The following KIR3DL2 variants were observed in gnomAD, a reference collection of about 807,000 sequenced individuals.
KIR3DL2 encodes killer cell immunoglobulin-like receptor 3DL2.
KIR3DL2 carries 42 observed loss-of-function variants against 41.6 expected under a neutral mutation model. That is an observed-to-expected ratio of 1.01 (90% CI 0.79 to 1.31). The LOEUF (loss-of-function observed/expected upper bound fraction) is 1.31, where lower values mean the gene tolerates loss of function less well. Ranked by LOEUF, KIR3DL2 falls within the 50% of genes most tolerant of loss-of-function variation. The probability of loss-of-function intolerance (pLI) is 0.00; values close to 1 mark genes in which losing one functional copy is unlikely to be tolerated. For missense variants in KIR3DL2, 728 were observed against 576.8 expected, an observed-to-expected ratio of 1.26 and a Z score of -2.68; for synonymous variants, 230 against 221.3, an observed-to-expected ratio of 1.04 and a Z score of -0.35.
chr19:54,852,085 G>C lies in KIR3DL2; in HGVS notation c.158G>C (p.Arg53Pro), dbSNP rs763089445. 1.2e-6 allele frequency: 2 copies of C among 1,611,384 alleles called. No homozygotes were observed. The highest frequency in any genetic ancestry group is 1.7e-5 in the Admixed American group (1 of 59,916). Residue 53 changes from arginine (R) to proline (P), a missense_variant, in exon 3 of 9, where the codon CGT becomes CCT. Arg to Pro is a moderately radical substitution (Grantham distance 103). Transcript: ENST00000326321. ...GHVALQCHYR[R>P]GFNNFMLYKE... ...GTGGCTCTTCAGTGTCACTATCGTC[G>C]TGGGTTTAACAATTTCATGCTGTAC...
At chr19:54,857,453 C>T (rs1348220772) in intron 5 of KIR3DL2, among the ~76,000 whole-genome samples, 5 of 151,452 alleles carry the variant, frequency 3.3e-5, no homozygotes, top group South Asian at 2.1e-4. Flanking sequence ...AATTTACATT[C>T]CTACCAACAG....
intron 7 of KIR3DL2, among the ~76,000 whole-genome samples, chr19:54,866,146 T>C (rs1019572724): frequency 2.0e-5 from 3 of 151,930 alleles, no homozygotes; most frequent in Non-Finnish European, 2.9e-5. Context: ...TCCAGAAGCT[T>C]CCATGACAGG....
chr19:54,862,802 C>CTTTTTTTTTTTTTTTTTTTT (rs1210198153), intron 6 of KIR3DL2, among the ~76,000 whole-genome samples: 3 of 79,764 alleles, frequency 3.8e-5, no homozygotes, highest in Non-Finnish European at 7.0e-5. Context: ...TGGGTTACTT[C>CTTTTTTTTTTTTTTTTTTTT]TTTTTTTTTT....
At chr19:54,866,263 A>G (rs2065506078) in intron 7 of KIR3DL2, 107 bp from the exon 8 acceptor site, 2 of 1,103,304 alleles carry the variant, frequency 1.8e-6, no homozygotes, top group Non-Finnish European at 2.7e-6. Context: ...TTGGCAGCTG[A>G]AGAGCCTCAG....
At chr19:54,865,751 C>G (rs1160168227) in intron 6 of KIR3DL2, 54 bp from the exon 7 acceptor site, 1 of 1,437,536 alleles carries the variant, frequency 7.0e-7, no homozygotes, top group East Asian at 2.3e-5. Context: ...TGAGACAATC[C>G]ATAAAGAGGA....
chr19:54,853,569 G>A (rs1601743508), intron 3 of KIR3DL2, among the ~76,000 whole-genome samples, 178 bp from the exon 4 acceptor site: 1 of 151,794 alleles, frequency 6.6e-6, no homozygotes, highest in East Asian at 1.9e-4. Context: ...GGACAGAGAA[G>A]AGGGAGGAAG....
intron 1 of KIR3DL2, 109 bp from the exon 2 acceptor site, chr19:54,851,111 A>G (rs1191618844): frequency 7.4e-5 from 103 of 1,390,800 alleles, no homozygotes; most frequent in Non-Finnish European, 1.0e-4. Flanking sequence ...GGCTAAGTTT[A>G]CCTTCAGCCC....
chr19:54,857,279 CG>C (rs1475996586), intron 5 of KIR3DL2, among the ~76,000 whole-genome samples: 1 of 151,284 alleles, frequency 6.6e-6, no homozygotes, highest in Non-Finnish European at 1.5e-5. Flanking sequence ...TTAGCACAGA[CG>C]GGATATCCCA....
At chr19:54,850,789 C>G (rs1336164526) in intron 1 of KIR3DL2, among the ~76,000 whole-genome samples, 1 of 34,454 alleles carries the variant, frequency 2.9e-5, no homozygotes, top group South Asian at 1.2e-3. Flanking sequence ...AGGTGGAGAT[C>G]TGGGCCTGGA....
In KIR3DL2 at chr19:54,864,351, A is replaced by C. The variant is rs571818002; in HGVS notation, c.1001-1454A>C. On this transcript the variant is annotated intron_variant, in intron 6 of 8. Transcript: ENST00000326321. Reference sequence around the variant, plus strand: ...ACTTGGCAATGCAGGCTCTTTTTTGATTCCATATGAACTTTAAGGTAGTTT... The same window carrying C: ...ACTTGGCAATGCAGGCTCTTTTTTGCTTCCATATGAACTTTAAGGTAGTTT... Among the ~76,000 whole-genome samples the C allele has an allele frequency of 2.0e-3, 297 of 152,044 alleles. 2 individuals carry two copies. The highest frequency in any genetic ancestry group is 3.1e-3 in the Non-Finnish European group (212 of 67,978).
At chr19:54,851,326 T>C (rs1383995942) in intron 2 of KIR3DL2, 71 bp downstream of exon 2, 2 of 1,530,118 alleles carry the variant, frequency 1.3e-6, no homozygotes, top group Non-Finnish European at 1.8e-6. Flanking sequence ...AGGAGGGAAG[T>C]CCTGTCGGGG....
intron 8 of KIR3DL2, 37 bp from the exon 9 acceptor site, chr19:54,866,485 G>A (rs767055898): frequency 4.3e-6 from 7 of 1,613,960 alleles, no homozygotes; most frequent in Non-Finnish European, 5.1e-6. Context: ...TGAAAAATGT[G>A]AGCACCCTCC....
At chr19:54,859,668 A>G (rs1406614226) in intron 6 of KIR3DL2, among the ~76,000 whole-genome samples, 2 of 151,794 alleles carry the variant, frequency 1.3e-5, no homozygotes, top group Non-Finnish European at 2.9e-5. Context: ...AGCTTTTCCT[A>G]TTGTTGCCAT....
At chr19:54,854,351 G>C (rs2064559676) in intron 4 of KIR3DL2, among the ~76,000 whole-genome samples, 1 of 151,812 alleles carries the variant, frequency 6.6e-6, no homozygotes, top group Non-Finnish European at 1.5e-5. Flanking sequence ...ACTTTGCTCA[G>C]AGACCTGGCA....
At chr19:54,862,442 A>T (rs2065241045) in intron 6 of KIR3DL2, among the ~76,000 whole-genome samples, 1 of 152,106 alleles carries the variant, frequency 6.6e-6, no homozygotes. Context: ...CACTCCAGGG[A>T]GACAGAACAC....
chr19:54,850,612 A>C (rs1277341419), intron 1 of KIR3DL2, 103 bp downstream of exon 1: 10 of 1,495,154 alleles, frequency 6.7e-6, no homozygotes, highest in Non-Finnish European at 7.3e-6. Flanking sequence ...TGGAGTGGAG[A>C]TATGGGCCTG....
chr19:54,850,839 T>G (rs2064152196), intron 1 of KIR3DL2, among the ~76,000 whole-genome samples: 3 of 85,606 alleles, frequency 3.5e-5, no homozygotes, highest in African/African-American at 9.5e-5. Context: ...GGGTCTGATG[T>G]GGAGATATGG....
Position 54,852,042 on chromosome 19 carries a change from G to A in KIR3DL2, c.115G>A (p.Val39Met). The A allele has an allele frequency of 6.2e-7, 1 of 1,612,054 alleles. No homozygotes were observed. The highest frequency in any genetic ancestry group is 1.1e-5 in the South Asian group (1 of 91,056). ...PFLSARPSTV[V>M]PRGGHVALQC... is the part of the protein sequence containing the mutation. ...CCTGTCTGCCCGGCCCAGCACTGTG[G>A]TGCCTCGAGGAGGACACGTGGCTCT... The change falls in exon 3 of 9, where the codon GTG (valine) becomes ATG (methionine). Residue 39 changes from valine to methionine, a missense_variant. Coordinates refer to ENST00000326321, the MANE Select transcript of KIR3DL2 (RefSeq NM_006737.4).
rs777844855 is a variant in KIR3DL2, at chr19:54,853,937, C to T, written c.546C>T (p.Ile182=). 2.2e-5 allele frequency: 36 copies of T among 1,613,424 alleles called. No homozygotes were observed. The highest frequency in any genetic ancestry group is 1.6e-4 in the Middle Eastern group (1 of 6,062). The change falls in exon 4 of 9, where the codon ATC becomes ATT. Residue 182 remains isoleucine (I), a synonymous_variant. Transcript: ENST00000326321. ...GGGTCTCCAAGGCCAACTTCTCCAT[C>T]GGTCCCTTGATGCCTGTCCTTGCAG... ...HDGVSKANFS[I]GPLMPVLAGT...
Sources: allele counts gnomAD v4.1 joint callset (sites outside exome capture counted in the v4.1 genomes callset), GRCh38; gene constraint gnomAD v4.1.1; transcripts MANE v1.5; gene names NCBI Gene and HGNC (gene_info 2026-07-23, HGNC 2026-07-21).